The following SLC12A7 variants were observed in gnomAD, a reference collection of about 807,000 sequenced individuals.
SLC12A7 encodes the protein K-Cl cotransporter 4.
In SLC12A7, 100 loss-of-function variants were observed where a neutral mutation model predicts 120.6. That is an observed-to-expected ratio of 0.83 (90% CI 0.71 to 0.98). The LOEUF is 0.98. SLC12A7 is among the 50% of genes least tolerant of loss of function. SLC12A7 has a pLI of 0.00. For missense variants in SLC12A7, 1,373 were observed against 1,548.1 expected, an observed-to-expected ratio of 0.89 and a Z score of 1.90; for synonymous variants, 760 against 678.0, an observed-to-expected ratio of 1.12 and a Z score of -1.88.
At chr5:1,078,450 T>C in intron 11 of SLC12A7, 1 of 588,618 alleles carries the variant, frequency 1.7e-6, no homozygotes, top group Non-Finnish European at 3.0e-6. Context: ...CCCTGTGGCC[T>C]CCCCAGGAAG....
In SLC12A7 at chr5:1,077,983, G is replaced by A. The variant is rs1259388370; in HGVS notation, c.1479C>T (p.Asn493=). 6 of 1,584,648 alleles carry A rather than the reference G, an allele frequency of 3.8e-6. No individual in the cohort carries two copies. Among genetic ancestry groups the A allele is most frequent in the Non-Finnish European group, 5.1e-6 (6 of 1,166,550 alleles). Residue 493 remains asparagine, a synonymous_variant, in exon 12 of 24, where the codon AAC becomes AAT. Coordinates refer to ENST00000264930, the MANE Select transcript of SLC12A7 (RefSeq NM_006598.3). ...RDKFGEALQG[N]LVIGMLAWPS... ...GCCAGGCCAGCATGCCGATGACCAG[G>A]TTCCCCTGCAGGGCCTCCCCGAACC...
At chr5:1,119,421 G>A in the SLC12A7 span, among the ~76,000 whole-genome samples, 3 of 152,214 alleles carry the variant, frequency 2.0e-5, no homozygotes, top group Non-Finnish European at 4.4e-5. Context: ...CAGCTCCCAG[G>A]GGACGCCGCA....
In SLC12A7 at chr5:1,086,779, A is replaced by T. The variant is rs988594746; in HGVS notation, c.675+124T>A. The T allele has an allele frequency of 7.6e-6, 10 of 1,309,176 alleles. No homozygotes were observed. The African/African-American group carries it at 1.5e-4, about 19-fold the overall frequency. The allele number at this position is 1,309,176 out of a possible 1,614,324, so 81.1% of individuals were successfully genotyped here. A position where few individuals can be genotyped will look rare whatever the true frequency, so the allele number is the denominator to read the frequency against. On this transcript the variant is annotated intron_variant, in intron 6 of 23. Transcript: ENST00000264930. ...CCAGAGCCCAGGAGAGCCCAGGGGC[A>T]GCCAGGGCAGTGGGGTCAGGATGGC...
the SLC12A7 span, among the ~76,000 whole-genome samples, chr5:1,138,194 G>C: frequency 4.3e-3 from 593 of 138,202 alleles, 3 homozygotes; most frequent in Non-Finnish European, 6.3e-3. Context: ...AAGGGGAAAA[G>C]CGGAAAAAAA....
the SLC12A7 span, among the ~76,000 whole-genome samples, chr5:1,125,049 T>A: frequency 6.6e-6 from 1 of 152,104 alleles, no homozygotes; most frequent in Admixed American, 6.5e-5. Flanking sequence ...AAGACTGACC[T>A]AATTAATGGT....
chr5:1,075,228 TG>T, intron 15 of SLC12A7, 142 bp downstream of exon 15: 1 of 1,208,790 alleles, frequency 8.3e-7, no homozygotes, highest in Non-Finnish European at 1.1e-6. Context: ...ACAGCCCACC[TG>T]GACGTGCTCC....
chr5:1,093,901 A>G (rs1342317823), intron 2 of SLC12A7, among the ~76,000 whole-genome samples: 4 of 152,158 alleles, frequency 2.6e-5, no homozygotes, highest in East Asian at 3.9e-4. Flanking sequence ...TCAGCAGCTC[A>G]GAGGGGTTCC....
intron 8 of SLC12A7, 94 bp downstream of exon 8, chr5:1,083,651 C>T: frequency 7.6e-7 from 1 of 1,323,666 alleles, no homozygotes; most frequent in Non-Finnish European, 1.1e-6. Context: ...GAATTGGGGC[C>T]CTGAGAGTGA....
At chr5:1,135,894 C>T in the SLC12A7 span, among the ~76,000 whole-genome samples, 54 of 152,300 alleles carry the variant, frequency 3.5e-4, no homozygotes, top group Admixed American at 8.5e-4. Context: ...ACATCCAAAA[C>T]GCACTCCCCG....
the SLC12A7 span, among the ~76,000 whole-genome samples, chr5:1,131,822 TC>T: frequency 6.6e-6 from 1 of 152,182 alleles, no homozygotes; most frequent in African/African-American, 2.4e-5. Flanking sequence ...AAGGTGATCC[TC>T]CTGGGAGGTA....
intron 17 of SLC12A7, among the ~76,000 whole-genome samples, chr5:1,068,799 G>A (rs1042703333): frequency 1.3e-5 from 2 of 152,274 alleles, no homozygotes; most frequent in Non-Finnish European, 2.9e-5. Context: ...TCCCATGGCC[G>A]TGAAGACTGT....
intron 1 of SLC12A7, among the ~76,000 whole-genome samples, chr5:1,100,908 C>A (rs139732070): frequency 6.6e-6 from 1 of 152,158 alleles, no homozygotes; most frequent in Admixed American, 6.5e-5. Flanking sequence ...AAAGCACACC[C>A]GGGAAGAGGC....
At chr5:1,074,160 C>T (rs1738050318) in intron 16 of SLC12A7, among the ~76,000 whole-genome samples, 1 of 152,144 alleles carries the variant, frequency 6.6e-6, no homozygotes, top group Non-Finnish European at 1.5e-5. Flanking sequence ...CTGAAGCCCC[C>T]ACCGAGGCCC....
At position 1,073,662 on chromosome 5, in the gene SLC12A7, T is replaced by G. The variant is rs1429337511; in HGVS notation, c.2212A>C (p.Lys738Gln). ...TCGGCCCGCTGAGCCTCCATGTGCT[T>G]GTCCAGGTACGTCCCCTCCAGCACC... The part of the protein sequence containing the change: ...GSVLEGTYLD[K>Q]HMEAQRAEEN... Residue 738 changes from lysine (K) to glutamine (Q), a missense_variant, in exon 17 of 24, where the codon AAG (lysine) becomes CAG (glutamine). Transcript: ENST00000264930. 6.2e-7 allele frequency: 1 copy of G among 1,604,388 alleles called. No homozygotes were observed. Among genetic ancestry groups the G allele is most frequent in the Admixed American group, 1.7e-5 (1 of 58,794 alleles).
intron 1 of SLC12A7, 27 bp from the exon 2 acceptor site, chr5:1,094,275 C>T: frequency 6.4e-7 from 1 of 1,558,332 alleles, no homozygotes; most frequent in Non-Finnish European, 8.9e-7. Context: ...AATTCAGAGT[C>T]AGCTTAGAAG....
intron 13 of SLC12A7, 63 bp from the exon 14 acceptor site, chr5:1,076,299 C>T: frequency 7.4e-7 from 1 of 1,352,414 alleles, no homozygotes; most frequent in African/African-American, 1.5e-5. Context: ...CAGTCACTGC[C>T]ACCTGGGAGA....
At chr5:1,069,124 G>A (rs1737365376) in intron 17 of SLC12A7, among the ~76,000 whole-genome samples, 1 of 152,254 alleles carries the variant, frequency 6.6e-6, no homozygotes, top group African/African-American at 2.4e-5. Context: ...TGACGCCGCC[G>A]TCAGGGAAAG....
chr5:1,141,450 C>T, the SLC12A7 span, among the ~76,000 whole-genome samples: 2 of 49,266 alleles, frequency 4.1e-5, no homozygotes, highest in East Asian at 7.2e-4. Flanking sequence ...GCACCACAGC[C>T]GCCATGGGCA....
the SLC12A7 span, among the ~76,000 whole-genome samples, chr5:1,117,091 A>G: frequency 6.6e-6 from 1 of 151,962 alleles, no homozygotes; most frequent in Non-Finnish European, 1.5e-5. The surrounding 1 kb of genome is among the most constrained non-coding windows in gnomAD (Gnocchi z 4.5). Flanking sequence ...TCTGTCTCAG[A>G]GCCGCGGAGG....
Sources: allele counts gnomAD v4.1 joint callset (sites outside exome capture counted in the v4.1 genomes callset), GRCh38; gene constraint gnomAD v4.1.1; non-coding constraint Gnocchi (gnomAD v3.1); transcripts MANE v1.5; gene names NCBI Gene and HGNC (gene_info 2026-07-23, HGNC 2026-07-21).